Variants in SLIT2 observed in about 807,000 individuals in gnomAD.
SLIT2 encodes the protein slit guidance ligand 2, also known as slit homolog 2 protein.
In SLIT2, 41 loss-of-function variants were observed where a neutral mutation model predicts 185.7. That is an observed-to-expected ratio of 0.22 (90% CI 0.17 to 0.29). The LOEUF is 0.29. Ranked by LOEUF, SLIT2 falls within the 10% of genes least tolerant of loss-of-function variation. SLIT2 has a pLI of 1.00. For missense variants in SLIT2, 1,571 were observed against 1,909.0 expected (o/e 0.82, Z 3.30); for synonymous variants, 693 against 680.2 (o/e 1.02, Z -0.29).
chr4:20,273,523 A>G (rs1371434062), intron 4 of SLIT2, among the ~76,000 whole-genome samples: 1 of 151,992 alleles, frequency 6.6e-6, no homozygotes, highest in African/African-American at 2.4e-5. Context: ...GCAAATAGTA[A>G]CTCTGGGACG....
intron 32 of SLIT2, among the ~76,000 whole-genome samples, chr4:20,597,864 A>G (rs907168761): frequency 1.3e-5 from 2 of 152,220 alleles, no homozygotes; most frequent in Non-Finnish European, 2.9e-5. Context: ...CCCCCTACAC[A>G]TGGCATAACT....
intron 30 of SLIT2, among the ~76,000 whole-genome samples, chr4:20,593,425 A>G (rs1036329541): frequency 9.2e-5 from 14 of 152,154 alleles, no homozygotes; most frequent in Non-Finnish European, 2.1e-4. Flanking sequence ...AATTTTAAAA[A>G]GTCAAACTTA....
intron 4 of SLIT2, among the ~76,000 whole-genome samples, chr4:20,402,067 C>T (rs887309365): frequency 1.3e-5 from 2 of 151,666 alleles, no homozygotes; most frequent in African/African-American, 4.8e-5. Context: ...ACACTCTGAA[C>T]CTCTAAGAGC....
At chr4:20,427,951 C>T (rs557439891) in intron 4 of SLIT2, among the ~76,000 whole-genome samples, 13 of 152,198 alleles carry the variant, frequency 8.5e-5, no homozygotes, top group African/African-American at 2.9e-4. Context: ...ATTTTGAGTT[C>T]CTACCCTGTG....
intron 3 of SLIT2, among the ~76,000 whole-genome samples, chr4:20,258,708 T>C (rs112396493): frequency 1.4e-3 from 214 of 151,858 alleles, no homozygotes; most frequent in African/African-American, 4.5e-3. Flanking sequence ...GACCTTGTAA[T>C]TGAAGTACGA....
chr4:20,272,814 ACTT>A (rs550745965), intron 4 of SLIT2, among the ~76,000 whole-genome samples: 258 of 152,078 alleles, frequency 1.7e-3, no homozygotes, highest in African/African-American at 5.6e-3. Flanking sequence ...CATTTTCTCT[ACTT>A]CTTTGAATGA....
chr4:20,493,217 G>T (rs1376651468), intron 9 of SLIT2, among the ~76,000 whole-genome samples: 1 of 152,098 alleles, frequency 6.6e-6, no homozygotes, highest in African/African-American at 2.4e-5. Context: ...AGAATAACAG[G>T]ATAATGTTGA....
intron 9 of SLIT2, among the ~76,000 whole-genome samples, chr4:20,509,900 C>T (rs1442312054): frequency 6.6e-6 from 1 of 152,080 alleles, no homozygotes; most frequent in Non-Finnish European, 1.5e-5. Context: ...GTGAAATATT[C>T]ACAAAATGAA....
chr4:20,537,897 A>G (rs545453591), intron 18 of SLIT2, among the ~76,000 whole-genome samples: 16 of 152,102 alleles, frequency 1.1e-4, no homozygotes, highest in Non-Finnish European at 2.2e-4. Flanking sequence ...ATTTGTGCAT[A>G]TGTGTGCTTA....
intron 30 of SLIT2, among the ~76,000 whole-genome samples, chr4:20,594,840 C>A (rs1727846362): frequency 6.6e-6 from 1 of 152,160 alleles, no homozygotes; most frequent in Admixed American, 6.5e-5. Flanking sequence ...TGTTTGGGGG[C>A]AAAGTACTTC....
chr4:20,348,689 C>A (rs1328868218), intron 4 of SLIT2, among the ~76,000 whole-genome samples: 1 of 152,124 alleles, frequency 6.6e-6, no homozygotes, highest in Non-Finnish European at 1.5e-5. Context: ...CAACTGTAAT[C>A]CCAGGTGACT....
intron 26 of SLIT2, among the ~76,000 whole-genome samples, chr4:20,559,745 G>A (rs1047393518): frequency 6.6e-6 from 1 of 151,828 alleles, no homozygotes; most frequent in Non-Finnish European, 1.5e-5. Context: ...AAATCACTCA[G>A]CTGCCGACTG....
intron 4 of SLIT2, among the ~76,000 whole-genome samples, chr4:20,375,736 A>G (rs1723960181): frequency 1.3e-5 from 2 of 152,070 alleles, no homozygotes; most frequent in African/African-American, 4.8e-5. Flanking sequence ...TCTGCGTATG[A>G]ACCCATCAAA....
At chr4:20,326,669 T>A (rs1255764761) in intron 4 of SLIT2, among the ~76,000 whole-genome samples, 1 of 151,870 alleles carries the variant, frequency 6.6e-6, no homozygotes, top group African/African-American at 2.4e-5. Flanking sequence ...ATTCTGAGTC[T>A]TCTTGGAATT....
intron 4 of SLIT2, among the ~76,000 whole-genome samples, chr4:20,272,790 C>G (rs1577350968): frequency 6.6e-6 from 1 of 152,128 alleles, no homozygotes; most frequent in Non-Finnish European, 1.5e-5. Context: ...AGAACTGCAT[C>G]TGTCCCAGGG....
rs1722006924 is a variant in SLIT2 at position 20,533,702 on chromosome 4, A to G, written c.1819A>G (p.Ser607Gly). The G allele has an allele frequency of 6.2e-7, 1 of 1,611,886 alleles. No homozygotes were observed. Among genetic ancestry groups the G allele is most frequent in the African/African-American group, 1.3e-5 (1 of 74,934 alleles). ...GCATAAGATGTTCAAGGGATTGGAA[A>G]GCCTCAAAACTTTGTAAGTATTTGT... The part of the protein sequence containing the change: ...VQHKMFKGLE[S>G]LKTLMLRSNR... Residue 607 changes from serine to glycine, a missense_variant, in exon 18 of 37, where the codon AGC becomes GGC. Ser to Gly is a moderately conservative substitution (Grantham distance 56, BLOSUM62 0). Coordinates refer to ENST00000504154, the MANE Select transcript of SLIT2 (RefSeq NM_004787.4).
chr4:20,538,314 C>A (rs1722488201), intron 18 of SLIT2, among the ~76,000 whole-genome samples: 1 of 152,158 alleles, frequency 6.6e-6, no homozygotes, highest in African/African-American at 2.4e-5. Context: ...AAGATTAAGA[C>A]CCAGTGCTCT....
chr4:20,600,803 A>T (rs78310442), intron 33 of SLIT2, among the ~76,000 whole-genome samples: 18 of 152,092 alleles, frequency 1.2e-4, no homozygotes, highest in African/African-American at 3.4e-4. Context: ...GACCAAAAAA[A>T]TTTTCTTGAT....
intron 17 of SLIT2, 51 bp from the exon 18 acceptor site, chr4:20,533,521 C>G: frequency 7.1e-7 from 1 of 1,404,868 alleles, no homozygotes; most frequent in Non-Finnish European, 9.9e-7. Flanking sequence ...GTTTCAATTC[C>G]CACCTTGTTA....
Sources: allele counts gnomAD v4.1 joint callset (sites outside exome capture counted in the v4.1 genomes callset), GRCh38; gene constraint gnomAD v4.1.1; transcripts MANE v1.5; gene names NCBI Gene and HGNC (gene_info 2026-07-23, HGNC 2026-07-21).